Variants in RTN4RL2 observed in about 807,000 individuals in gnomAD.
The protein encoded by RTN4RL2 is reticulon-4 receptor-like 2.
Under a neutral mutation model 27.8 loss-of-function variants are expected in RTN4RL2, and 9 were observed. The observed-to-expected ratio is 0.32, with a 90% CI of 0.20 to 0.57. The LOEUF (loss-of-function observed/expected upper bound fraction) is 0.57. Ranked by LOEUF, RTN4RL2 falls within the 20% of genes least tolerant of loss-of-function variation. The pLI is 0.90. For missense variants in RTN4RL2, 436 were observed against 596.8 expected (o/e 0.73, Z 2.81); for synonymous variants, 285 against 297.9 (o/e 0.96, Z 0.45).
At position 57,467,034 on chromosome 11, in the gene RTN4RL2, T is replaced by G. The variant is rs1943530831; in HGVS notation, c.32-575T>G. On this transcript the variant is annotated intron_variant, in intron 1 of 2. Transcript: ENST00000335099. The surrounding 1 kb of genome is among the most constrained non-coding windows in gnomAD (Gnocchi z 5.5). ...AAACATGCAATAGTGAAAACAGGAA[T>G]GAAGAGATGATCATTCTTCAACCAA... Among the ~76,000 whole-genome samples, 1 of 152,232 alleles carries G rather than the reference T, an allele frequency of 6.6e-6. No individual in the cohort carries two copies. Among genetic ancestry groups the G allele is most frequent in the Non-Finnish European group, 1.5e-5 (1 of 68,040 alleles).
In RTN4RL2 at chr11:57,476,682, C is replaced by T; in HGVS notation, c.1034C>T (p.Ser345Phe). The change falls in exon 3 of 3, where the codon TCC becomes TTC. Residue 345 changes from serine to phenylalanine, a missense_variant. Coordinates refer to ENST00000335099, the MANE Select transcript of RTN4RL2 (RefSeq NM_178570.3). This position sits in a 1 kb window ranked among gnomAD's most constrained non-coding sequence, Gnocchi z 8.2. ...AEAGAPPADPSTLYRDLPAED... is the reference protein window; with the variant it reads ...AEAGAPPADPFTLYRDLPAED... ...GCCGGGGCGCCCCCAGCCGATCCCT[C>T]CACCCTCTACCGAGATCTGCCTGCC... 7.0e-7 allele frequency: 1 copy of T among 1,434,574 alleles called. No homozygotes were observed. Among genetic ancestry groups the T allele is most frequent in the Non-Finnish European group, 9.1e-7 (1 of 1,103,522 alleles). The allele number at this position is 1,434,574 out of a possible 1,614,324, so 88.9% of individuals were successfully genotyped here.
At chr11:57,468,174 T>C in intron 2 of RTN4RL2, 84 bp downstream of exon 2, 6 of 1,410,332 alleles carry the variant, frequency 4.3e-6, no homozygotes, top group South Asian at 4.0e-5. Context: ...CTGGCGTGCG[T>C]CCCTCCTCTC....
At chr11:57,468,727 C>A (rs1250617361) in intron 2 of RTN4RL2, 1 of 1,536,040 alleles carries the variant, frequency 6.5e-7, no homozygotes, top group Non-Finnish European at 8.7e-7. Context: ...AAGCCCACAC[C>A]CCTTCTAGAT....
intron 1 of RTN4RL2, among the ~76,000 whole-genome samples, chr11:57,466,295 G>A (rs947249040): frequency 1.3e-5 from 2 of 151,914 alleles, no homozygotes; most frequent in African/African-American, 2.4e-5. Context: ...GTGAGCCACC[G>A]CGCCCGGCCA....
intron 2 of RTN4RL2, among the ~76,000 whole-genome samples, chr11:57,473,563 GAGGGAGGGGAGAT>G (rs1232279697): frequency 1.6e-3 from 221 of 134,090 alleles, no homozygotes; most frequent in Admixed American, 3.5e-3. Flanking sequence ...TCTCAGCCCA[GAGGGAGGGGAGAT>G]AGGGAGGGGA....
chr11:57,467,615 C>A lies in RTN4RL2; in HGVS notation c.38C>A (p.Ala13Asp). The A allele has an allele frequency of 6.2e-7, 1 of 1,605,716 alleles. No individual in the cohort carries two copies. The highest frequency in any genetic ancestry group is 8.5e-7 in the Non-Finnish European group (1 of 1,175,698). ...PGLRRLLQAP[A>D]SACLLLMLLA... ...CTGCTTCCCCTCCCCACAGCTCCCG[C>A]CTCGGCCTGCCTCCTGCTGATGCTC... The change falls in exon 2 of 3, where the codon GCC (alanine) becomes GAC (aspartate). Residue 13 changes from alanine to aspartate, a missense_variant. This residue lies in a region of RTN4RL2 where 365 missense variants were observed against 530.5 expected (regional missense o/e 0.69). Coordinates refer to ENST00000335099, the MANE Select transcript of RTN4RL2 (RefSeq NM_178570.3). The surrounding 1 kb of genome is among the most constrained non-coding windows in gnomAD (Gnocchi z 5.5).
Position 57,477,221 on chromosome 11 carries a change from G to A in RTN4RL2, c.*310G>A, listed in dbSNP as rs1943604177. On this transcript the variant is annotated 3_prime_UTR_variant, in exon 3 of 3. Coordinates refer to ENST00000335099, the MANE Select transcript of RTN4RL2 (RefSeq NM_178570.3). ...CAGCCGCTGACCCGCACTCCTAAGG[G>A]CCCACAGCGGACACCAGAGGGGCTT... is the stretch of plus-strand genomic sequence containing the variant. The A allele has an allele frequency of 3.1e-6, 1 of 324,486 alleles. No individual in the cohort carries two copies. The highest frequency in any genetic ancestry group is 5.1e-5 in the East Asian group (1 of 19,696). 20.1% of individuals were successfully genotyped at this position (324,486 alleles called of 1,614,324 possible).
Position 57,477,119 on chromosome 11 carries a change from T to C in RTN4RL2, c.*208T>C. On this transcript the variant is annotated 3_prime_UTR_variant, in exon 3 of 3. Coordinates refer to ENST00000335099, the MANE Select transcript of RTN4RL2 (RefSeq NM_178570.3). ...TGTGGCAGCCCCAAGAGGGCGTGTG[T>C]GGTGGCTCAGCCCTGCCCTCCCCAG... 3.9e-6 allele frequency: 2 copies of C among 507,978 alleles called. No individual in the cohort carries two copies. Among genetic ancestry groups the C allele is most frequent in the South Asian group, 6.2e-5 (2 of 32,512 alleles). The allele number at this position is 507,978 out of a possible 1,614,324, so 31.5% of individuals were successfully genotyped here.
At position 57,467,469 on chromosome 11, in the gene RTN4RL2, C is replaced by T; in HGVS notation, c.32-140C>T. 1 of 1,410,868 alleles carries T rather than the reference C, an allele frequency of 7.1e-7. No individual in the cohort carries two copies. The highest frequency in any genetic ancestry group is 9.5e-7 in the Non-Finnish European group (1 of 1,052,054). The allele number at this position is 1,410,868 out of a possible 1,614,324, so 87.4% of individuals were successfully genotyped here. A position where few individuals can be genotyped will look rare whatever the true frequency, so the allele number is the denominator to read the frequency against. On this transcript the variant is annotated intron_variant, in intron 1 of 2. Transcript: ENST00000335099. This position sits in a 1 kb window ranked among gnomAD's most constrained non-coding sequence, Gnocchi z 5.5. Reference sequence around the variant, plus strand: ...CCTCAAGCAATCCTCCTGCCTTGGCCTCCCAAAGTGCTGGGATTACAGGTG... The same window carrying T: ...CCTCAAGCAATCCTCCTGCCTTGGCTTCCCAAAGTGCTGGGATTACAGGTG...
At chr11:57,461,569 A>G (rs1943486001) in intron 1 of RTN4RL2, among the ~76,000 whole-genome samples, 2 of 151,368 alleles carry the variant, frequency 1.3e-5, no homozygotes, top group African/African-American at 2.4e-5. Flanking sequence ...GTTAGATGGG[A>G]AAAGCGTGGA....
intron 2 of RTN4RL2, among the ~76,000 whole-genome samples, chr11:57,469,434 T>C (rs1943548349): frequency 6.6e-6 from 1 of 152,134 alleles, no homozygotes; most frequent in Non-Finnish European, 1.5e-5. Flanking sequence ...CACTCTGCCA[T>C]TTACAAGCGT....
At position 57,476,531 on chromosome 11, in the gene RTN4RL2, C is replaced by A; in HGVS notation, c.883C>A (p.Gln295Lys). The change falls in exon 3 of 3, where the codon CAG (glutamine) becomes AAG (lysine). Residue 295 changes from glutamine (Q) to lysine (K), a missense_variant. Around this residue, in one of 3 missense-constraint regions of RTN4RL2, gnomAD observed 365 missense variants for 530.5 expected, o/e 0.69. Transcript: ENST00000335099. This position sits in a 1 kb window ranked among gnomAD's most constrained non-coding sequence, Gnocchi z 8.2. Reference sequence around the variant, plus strand: ...GACCTGCGCCACCCCCCCGGAGCGCCAGGGCCGAGACCTGCGCGCGCTCCG... The same window carrying A: ...GACCTGCGCCACCCCCCCGGAGCGCAAGGGCCGAGACCTGCGCGCGCTCCG... ...DVTCATPPER[Q>K]GRDLRALREA... 1 of 1,444,348 alleles carries A rather than the reference C, an allele frequency of 6.9e-7. No individual in the cohort carries two copies. The highest frequency in any genetic ancestry group is 9.0e-7 in the Non-Finnish European group (1 of 1,108,116). The allele number at this position is 1,444,348 out of a possible 1,614,324, so 89.5% of individuals were successfully genotyped here.
intron 2 of RTN4RL2, among the ~76,000 whole-genome samples, chr11:57,475,328 T>C (rs1439806919): frequency 6.6e-6 from 1 of 152,128 alleles, no homozygotes; most frequent in East Asian, 1.9e-4. Context: ...GTGCTGAGCC[T>C]GTGGGCTTCA....
chr11:57,474,820 G>A (rs781673895), intron 2 of RTN4RL2, among the ~76,000 whole-genome samples: 13 of 152,142 alleles, frequency 8.5e-5, no homozygotes, highest in Non-Finnish European at 1.3e-4. Flanking sequence ...ACACACACCC[G>A]CCGCCCCCCG....
intron 2 of RTN4RL2, among the ~76,000 whole-genome samples, chr11:57,470,993 C>T (rs895667486): frequency 1.3e-5 from 2 of 151,802 alleles, no homozygotes; most frequent in East Asian, 1.9e-4. Flanking sequence ...CCCAGCACTT[C>T]GGGAGGCCAA....
In RTN4RL2 at chr11:57,472,225, T is replaced by C. The variant is rs548965781; in HGVS notation, c.514-3937T>C. On this transcript the variant is annotated intron_variant, in intron 2 of 2. Coordinates refer to ENST00000335099, the MANE Select transcript of RTN4RL2 (RefSeq NM_178570.3). The stretch of plus-strand genomic sequence containing the variant: ...TTTTGTTTGTTTTGTTTTGTTTTGT[T>C]TTTGTTTTTGAGACAGTCTCACTAT... 1.8e-3 allele frequency among the ~76,000 whole-genome samples: 272 copies of C among 152,130 alleles called. 3 individuals carry two copies. The highest frequency in any genetic ancestry group is 6.4e-3 in the African/African-American group (264 of 41,492).
At position 57,468,018 on chromosome 11, in the gene RTN4RL2, C is replaced by T. The variant is rs961613092; in HGVS notation, c.441C>T (p.Pro147=). The T allele has an allele frequency of 1.0e-5, 16 of 1,601,952 alleles. No individual in the cohort carries two copies. Among genetic ancestry groups the T allele is most frequent in the East Asian group, 4.5e-5 (2 of 44,888 alleles). The change falls in exon 2 of 3, where the codon CCC becomes CCT. Residue 147 remains proline, a synonymous_variant. Coordinates refer to ENST00000335099, the MANE Select transcript of RTN4RL2 (RefSeq NM_178570.3). ...ACCGCTGCCAGCTCAGCAGCCTGCC[C>T]GGCAACATCTTCCGAGGCCTGGTCA... ...HLYRCQLSSL[P]GNIFRGLVSL...
Position 57,460,828 on chromosome 11 carries a change from C to CT in RTN4RL2, c.-37dup, listed in dbSNP as rs992186017. 3.1e-5 allele frequency: 42 copies of CT among 1,339,302 alleles called. No individual in the cohort carries two copies. The highest frequency in any genetic ancestry group is 4.0e-5 in the Non-Finnish European group (40 of 1,011,174). The allele number at this position is 1,339,302 out of a possible 1,614,324, so 83.0% of individuals were successfully genotyped here. On this transcript the variant is annotated 5_prime_UTR_variant, in exon 1 of 3. Transcript: ENST00000335099. ...GGCTCAGGGAGCGAGTGGGAGCGCC[C>CT]TCCCCCCGCTGCCCCCTCCCCCGAG...
In RTN4RL2 at chr11:57,460,845, T is replaced by C. The variant is rs543545196; in HGVS notation, c.-21T>C. 3 of 1,393,962 alleles carry C rather than the reference T, an allele frequency of 2.2e-6. No homozygotes were observed. Among genetic ancestry groups the C allele is most frequent in the African/African-American group, 1.5e-5 (1 of 66,346 alleles). The allele number at this position is 1,393,962 out of a possible 1,614,324, so 86.3% of individuals were successfully genotyped here. A position where few individuals can be genotyped will look rare whatever the true frequency, so the allele number is the denominator to read the frequency against. ...GGAGCGCCCTCCCCCCGCTGCCCCC[T>C]CCCCCGAGCATCGAGACAAGATGCT... On this transcript the variant is annotated 5_prime_UTR_variant, in exon 1 of 3. Coordinates refer to ENST00000335099, the MANE Select transcript of RTN4RL2 (RefSeq NM_178570.3).
Sources: gnomAD v4.1 joint callset for allele counts (sites outside exome capture counted in the v4.1 genomes callset) on GRCh38, gnomAD v4.1.1 for gene constraint, gnomAD v4.1.1 regional missense constraint, Gnocchi (gnomAD v3.1) non-coding constraint, MANE v1.5 for transcripts, NCBI Gene and HGNC (gene_info 2026-07-23, HGNC 2026-07-21) for gene names.